Variants in SGCD observed in about 807,000 individuals in gnomAD.
SGCD encodes the protein delta-sarcoglycan.
In SGCD, 18 loss-of-function variants were observed where a neutral mutation model predicts 36.6. The observed-to-expected ratio is 0.49, with a 90% CI of 0.34 to 0.73. The LOEUF is 0.73. Ranked by LOEUF, SGCD falls within the 30% of genes least tolerant of loss-of-function variation. The pLI is 0.01. For synonymous variants in SGCD, 133 were observed against 130.6 expected (o/e 1.02, Z -0.12); for missense variants, 387 against 346.7 (o/e 1.12, Z -0.92).
At chr5:156,023,032 G>A (rs2127573757) in intron 1 of SGCD, among the ~76,000 whole-genome samples, 1 of 152,278 alleles carries the variant, frequency 6.6e-6, no homozygotes, top group Non-Finnish European at 1.5e-5. Context: ...ATTAGAAAGA[G>A]CTAGCAAAAA....
chr5:155,843,464 A>G, the SGCD span, among the ~76,000 whole-genome samples: 1 of 152,188 alleles, frequency 6.6e-6, no homozygotes, highest in Non-Finnish European at 1.5e-5. Context: ...CAGCAGATTT[A>G]TATCTTCCAA....
chr5:155,735,663 A>G, the SGCD span, among the ~76,000 whole-genome samples: 2 of 152,230 alleles, frequency 1.3e-5, no homozygotes, highest in South Asian at 2.1e-4. Context: ...AAGCATAGGT[A>G]GATACACAGC....
At chr5:156,512,191 C>CCA (rs1554110777) in intron 4 of SGCD, among the ~76,000 whole-genome samples, 1 of 66,898 alleles carries the variant, frequency 1.5e-5, no homozygotes, top group Non-Finnish European at 2.8e-5. Context: ...GACTCTGTCT[C>CCA]AAAAAAAAAA....
intron 1 of SGCD, among the ~76,000 whole-genome samples, chr5:155,886,557 GC>G (rs1369761139): frequency 2.6e-5 from 4 of 152,096 alleles, no homozygotes; most frequent in African/African-American, 4.8e-5. Context: ...TGCATGTGCA[GC>G]CTCAGAAAGG....
chr5:156,522,724 T>C (rs1757465590), intron 4 of SGCD, among the ~76,000 whole-genome samples: 1 of 143,780 alleles, frequency 7.0e-6, no homozygotes, highest in African/African-American at 2.6e-5. Flanking sequence ...TCTGTACATG[T>C]ACCCCAGCAC....
rs1040840450 is a variant in SGCD at position 156,412,607 on chromosome 5, A to T, written c.192+67930A>T. 7.2e-5 allele frequency among the ~76,000 whole-genome samples: 11 copies of T among 152,238 alleles called. No individual in the cohort carries two copies. In the East Asian group the frequency reaches 1.7e-3, roughly 24 times the overall value. On this transcript the variant is annotated intron_variant, in intron 3 of 8. Coordinates refer to ENST00000337851, the MANE Select transcript of SGCD (RefSeq NM_000337.6). The stretch of plus-strand genomic sequence containing the variant: ...CCATAGTCTTACTTGTAACAAACAT[A>T]GGTGCCAGTACTCAAATGTGGAGAG...
At chr5:155,771,347 T>C in the SGCD span, among the ~76,000 whole-genome samples, 1 of 151,900 alleles carries the variant, frequency 6.6e-6, no homozygotes, top group African/African-American at 2.4e-5. Flanking sequence ...CTCCTGGGCT[T>C]AAATGGTCCT....
At chr5:156,245,002 T>A (rs761770812) in intron 3 of SGCD, among the ~76,000 whole-genome samples, 5 of 152,224 alleles carry the variant, frequency 3.3e-5, no homozygotes, top group Non-Finnish European at 7.3e-5. Context: ...TTGTGTGTAT[T>A]TTTCAGCTGT....
intron 4 of SGCD, among the ~76,000 whole-genome samples, chr5:156,511,947 A>C (rs1420402988): frequency 1.3e-5 from 2 of 152,118 alleles, no homozygotes; most frequent in African/African-American, 2.4e-5. Flanking sequence ...TGTAATCCCA[A>C]CACTTTGGAA....
chr5:156,442,511 A>G (rs926073616), intron 3 of SGCD, among the ~76,000 whole-genome samples: 4 of 152,232 alleles, frequency 2.6e-5, no homozygotes, highest in African/African-American at 9.6e-5. Context: ...GCAGCATGAA[A>G]TTCAAACGTA....
At chr5:156,267,401 A>T (rs1766029554) in intron 3 of SGCD, among the ~76,000 whole-genome samples, 2 of 152,188 alleles carry the variant, frequency 1.3e-5, no homozygotes, top group Admixed American at 1.3e-4. Context: ...AAAAAAGAAA[A>T]ATGTTGAATT....
chr5:156,693,472 C>T (rs867371840), intron 7 of SGCD, among the ~76,000 whole-genome samples: 13 of 152,026 alleles, frequency 8.6e-5, no homozygotes, highest in Middle Eastern at 3.2e-3. Context: ...CTTTCACAAT[C>T]GTTTAATTTT....
At chr5:156,287,497 A>G (rs972215774) in intron 3 of SGCD, among the ~76,000 whole-genome samples, 1 of 152,172 alleles carries the variant, frequency 6.6e-6, no homozygotes, top group Non-Finnish European at 1.5e-5. Flanking sequence ...AAGCCAAGGC[A>G]GTACATCAGG....
the SGCD span, among the ~76,000 whole-genome samples, chr5:155,851,783 C>G: frequency 5.9e-5 from 9 of 152,172 alleles, no homozygotes; most frequent in Admixed American, 2.6e-4. Context: ...TTTTGGAGAG[C>G]CTCTTTTCCC....
At chr5:155,830,446 C>T in the SGCD span, among the ~76,000 whole-genome samples, 2 of 152,138 alleles carry the variant, frequency 1.3e-5, no homozygotes, top group Non-Finnish European at 2.9e-5. Flanking sequence ...TCTCCAAATG[C>T]AGTCATTTTA....
At chr5:155,944,385 G>C (rs1165574379) in intron 1 of SGCD, among the ~76,000 whole-genome samples, 1 of 152,126 alleles carries the variant, frequency 6.6e-6, no homozygotes, top group Non-Finnish European at 1.5e-5. Context: ...CAATGACTAG[G>C]CATGTGCTGT....
chr5:156,060,852 A>G lies in SGCD; in HGVS notation c.-281-57026A>G, dbSNP rs758712583. Reference sequence around the variant, plus strand: ...ATTAAATGCATTTAATTGAAGTGCTAGAAAATTTATATCACTATATTTTCC... The same window carrying G: ...ATTAAATGCATTTAATTGAAGTGCTGGAAAATTTATATCACTATATTTTCC... On this transcript the variant is annotated intron_variant, in intron 1 of 9. Transcript: ENST00000517913. 4.8e-5 allele frequency among the ~76,000 whole-genome samples: 7 copies of G among 146,108 alleles called. 1 individual carries two copies. The highest frequency in any genetic ancestry group is 6.2e-5 in the Non-Finnish European group (4 of 64,818).
intron 3 of SGCD, among the ~76,000 whole-genome samples, chr5:156,173,733 AAATATGTTTTCTTTTCTTTAGAAT>A (rs1763395482): frequency 6.6e-6 from 1 of 152,172 alleles, no homozygotes; most frequent in African/African-American, 2.4e-5. Context: ...TTAAATATCT[AAATATGTTTTCTTTTCTTTAGAAT>A]AATGAAGTAA....
intron 3 of SGCD, among the ~76,000 whole-genome samples, chr5:156,207,953 G>T (rs1442677630): frequency 6.6e-6 from 1 of 152,002 alleles, no homozygotes; most frequent in African/African-American, 2.4e-5. Flanking sequence ...AAGCATAATT[G>T]TTAAGAACCC....
Sources: gnomAD v4.1 joint callset for allele counts (sites outside exome capture counted in the v4.1 genomes callset) on GRCh38, gnomAD v4.1.1 for gene constraint, MANE v1.5 for transcripts, NCBI Gene and HGNC (gene_info 2026-07-23, HGNC 2026-07-21) for gene names.